Variants in CROT observed in about 807,000 individuals in gnomAD.
CROT encodes peroxisomal carnitine O-octanoyltransferase.
A neutral mutation model predicts 89.2 loss-of-function variants in CROT; 84 were observed. The observed-to-expected ratio is 0.94, with a 90% CI of 0.79 to 1.13. The LOEUF is 1.13. CROT is among the 50% of genes most tolerant of loss of function. The pLI, the probability that CROT is intolerant of heterozygous loss-of-function variation, is 0.00. For synonymous variants in CROT, 212 were observed against 239.5 expected, an observed-to-expected ratio of 0.89 and a Z score of 1.06; for missense variants, 711 against 727.8, an observed-to-expected ratio of 0.98 and a Z score of 0.27.
chr7:87,382,650 C>T (rs1462057632), intron 13 of CROT, 107 bp downstream of exon 13: 4 of 1,122,924 alleles, frequency 3.6e-6, no homozygotes, highest in Non-Finnish European at 5.1e-6. Flanking sequence ...ACTTTTTTCC[C>T]AGCTGGTACT....
Position 87,361,726 on chromosome 7 carries a change from A to G in CROT, c.423-2A>G. 6.4e-7 allele frequency: 1 copy of G among 1,570,170 alleles called. No homozygotes were observed. Among genetic ancestry groups the G allele is most frequent in the Non-Finnish European group, 8.6e-7 (1 of 1,164,032 alleles). On this transcript the variant is annotated splice_acceptor_variant, in intron 5 of 17. Transcript: ENST00000331536. LOFTEE classifies it high-confidence loss of function. ...TTTTGATCAAAATCCTTTTTTTAAT[A>G]GAGAAAAAGTGCCTGTTCATAAAGT...
At position 87,383,915 on chromosome 7, in the gene CROT, T is replaced by C. The variant is rs189959087; in HGVS notation, c.1301+1372T>C. On this transcript the variant is annotated intron_variant, in intron 13 of 17. Transcript: ENST00000331536. ...CTATCTCTTTGATATATTGATTTCC[T>C]TTCTCTTGGATATATACCTAGCAGT... Among the ~76,000 whole-genome samples, 841 of 152,272 alleles carry C rather than the reference T, an allele frequency of 5.5e-3. 11 individuals are homozygous for C. Among genetic ancestry groups the C allele is most frequent in the Non-Finnish European group, 3.6e-3 (243 of 68,018 alleles).
At chr7:87,352,936 G>C (rs915563618) in intron 3 of CROT, among the ~76,000 whole-genome samples, 2 of 152,130 alleles carry the variant, frequency 1.3e-5, no homozygotes, top group Non-Finnish European at 2.9e-5. Flanking sequence ...CATGAAAATA[G>C]TTTACTTTGA....
At chr7:87,364,798 G>C (rs755283378) in intron 6 of CROT, among the ~76,000 whole-genome samples, 1 of 152,200 alleles carries the variant, frequency 6.6e-6, no homozygotes, top group Non-Finnish European at 1.5e-5. Context: ...AGGCAATTAG[G>C]AGGGAATGCA....
rs772948891 is a variant in CROT, at chr7:87,375,823, T to C, written c.751-5T>C. ...ATATTTGATCATCATCTCCTTGCCC[T>C]TTAGGCACGAGAATATCTGATTGGT... On this transcript the variant is annotated splice_region_variant and splice_polypyrimidine_tract_variant and intron_variant, in intron 8 of 17. Coordinates refer to ENST00000331536, the MANE Select transcript of CROT (RefSeq NM_021151.4). The C allele has an allele frequency of 4.3e-5, 69 of 1,613,118 alleles. 1 individual carries two copies. In the South Asian group the frequency reaches 6.9e-4, roughly 16 times the overall value.
intron 6 of CROT, among the ~76,000 whole-genome samples, chr7:87,363,835 A>C (rs1369161320): frequency 6.6e-6 from 1 of 152,208 alleles, no homozygotes; most frequent in South Asian, 2.1e-4. Context: ...AAGTCATGAT[A>C]ATGGCTTGTA....
chr7:87,347,478 G>T (rs760715064), intron 2 of CROT, among the ~76,000 whole-genome samples: 1 of 152,116 alleles, frequency 6.6e-6, no homozygotes, highest in Non-Finnish European at 1.5e-5. Flanking sequence ...GGCAGAGTCT[G>T]TACTTGGATC....
intron 6 of CROT, among the ~76,000 whole-genome samples, chr7:87,368,840 A>G (rs1806533952): frequency 1.3e-5 from 2 of 152,230 alleles, no homozygotes; most frequent in South Asian, 4.1e-4. Flanking sequence ...GAAATCAGAG[A>G]TAATCCATTG....
rs1473407931 is a variant in CROT at position 87,369,482 on chromosome 7, C to T, written c.654C>T (p.Leu218=). Residue 218 remains leucine, a splice_region_variant and synonymous_variant, in exon 7 of 18, where the codon CTC becomes CTT. Transcript: ENST00000331536. ...EGCLVTPPEL[L]RQLTYIHKKC... is the part of the protein sequence containing the mutation. Reference sequence around the variant, plus strand: ...GTTTGGTCACCCCGCCAGAGCTTCTCAGGTTTTCAGACTACTTTCTTGAGT... The same window carrying T: ...GTTTGGTCACCCCGCCAGAGCTTCTTAGGTTTTCAGACTACTTTCTTGAGT... 1.2e-6 allele frequency: 2 copies of T among 1,604,786 alleles called. No homozygotes were observed. Among genetic ancestry groups the T allele is most frequent in the Admixed American group, 1.7e-5 (1 of 59,208 alleles).
In CROT at chr7:87,399,061, G is replaced by A. The variant is rs1807656404; in HGVS notation, c.*417G>A. On this transcript the variant is annotated 3_prime_UTR_variant, in exon 18 of 18. Coordinates refer to ENST00000331536, the MANE Select transcript of CROT (RefSeq NM_021151.4). ...CTTTAATTTTTTTAGCTGCCAAAGG[G>A]TATGAATTACATTATTGTATGCTAA... 1 of 172,720 alleles carries A rather than the reference G, an allele frequency of 5.8e-6. No homozygotes were observed. The highest frequency in any genetic ancestry group is 1.2e-5 in the Non-Finnish European group (1 of 81,396). The allele number at this position is 172,720 out of a possible 1,614,324, so 10.7% of individuals were successfully genotyped here.
At chr7:87,355,420 A>G (rs1336058300) in intron 3 of CROT, among the ~76,000 whole-genome samples, 2 of 152,114 alleles carry the variant, frequency 1.3e-5, no homozygotes, top group Non-Finnish European at 2.9e-5. Context: ...TTTTATATTC[A>G]TAACTTTCTT....
chr7:87,360,273 A>G (rs1806227395), intron 4 of CROT, among the ~76,000 whole-genome samples: 1 of 152,256 alleles, frequency 6.6e-6, no homozygotes, highest in Non-Finnish European at 1.5e-5. Context: ...AGAGGGACAC[A>G]TAGAAAACAG....
At chr7:87,383,302 C>A (rs1349886615) in intron 13 of CROT, among the ~76,000 whole-genome samples, 1 of 152,160 alleles carries the variant, frequency 6.6e-6, no homozygotes, top group African/African-American at 2.4e-5. Flanking sequence ...CACCATTTTA[C>A]TGTCTACTTC....
intron 6 of CROT, among the ~76,000 whole-genome samples, chr7:87,365,164 T>A (rs1196346640): frequency 2.6e-5 from 4 of 151,900 alleles, no homozygotes; most frequent in African/African-American, 9.7e-5. Context: ...AAGGGAGAAA[T>A]AATTTGGGGC....
chr7:87,376,942 A>C (rs1806829234), intron 9 of CROT, among the ~76,000 whole-genome samples: 1 of 152,178 alleles, frequency 6.6e-6, no homozygotes. Flanking sequence ...CAAAGTATAC[A>C]GTTTGAAAAA....
intron 14 of CROT, among the ~76,000 whole-genome samples, chr7:87,392,144 C>T (rs1807382046): frequency 6.6e-6 from 1 of 152,126 alleles, no homozygotes; most frequent in South Asian, 2.1e-4. Flanking sequence ...AGCATTTAGA[C>T]AACAGCAAAT....
At chr7:87,367,385 C>T (rs1806482542) in intron 6 of CROT, among the ~76,000 whole-genome samples, 1 of 152,152 alleles carries the variant, frequency 6.6e-6, no homozygotes, top group African/African-American at 2.4e-5. Context: ...CTTCTAGAGC[C>T]TCTAGAAGGA....
At chr7:87,383,713 T>C (rs967628306) in intron 13 of CROT, among the ~76,000 whole-genome samples, 3 of 152,060 alleles carry the variant, frequency 2.0e-5, no homozygotes, top group African/African-American at 7.2e-5. Flanking sequence ...GCCAGGCTGG[T>C]CTCTAACTCC....
intron 7 of CROT, among the ~76,000 whole-genome samples, chr7:87,371,509 T>G (rs802057): frequency 0.88 from 133,743 of 152,152 alleles, 58,964 homozygotes; most frequent in Middle Eastern, 0.94. Flanking sequence ...ATGCCCCTTT[T>G]TGTATTTGGA....
Sources: gnomAD v4.1 joint callset for allele counts (sites outside exome capture counted in the v4.1 genomes callset) on GRCh38, gnomAD v4.1.1 for gene constraint, MANE v1.5 for transcripts, NCBI Gene and HGNC (gene_info 2026-07-23, HGNC 2026-07-21) for gene names.